The following SGCG variants were observed in gnomAD, a reference collection of about 807,000 sequenced individuals.
The protein encoded by SGCG is gamma-sarcoglycan.
In SGCG, 26 loss-of-function variants were observed where a neutral mutation model predicts 29.3. That is an observed-to-expected ratio of 0.89 (90% CI 0.65 to 1.23). The LOEUF (loss-of-function observed/expected upper bound fraction) is 1.23, where lower values mean the gene tolerates loss of function less well. Among genes scored for constraint, SGCG ranks in the 50% most tolerant of loss-of-function variants. The pLI, the probability that SGCG is intolerant of heterozygous loss-of-function variation, is 0.00. For synonymous variants in SGCG, 145 were observed against 129.7 expected, an observed-to-expected ratio of 1.12 and a Z score of -0.80; for missense variants, 353 against 356.0, an observed-to-expected ratio of 0.99 and a Z score of 0.07.
chr13:23,188,856 C>T (rs1877119990), intron 1 of SGCG, among the ~76,000 whole-genome samples: 1 of 152,150 alleles, frequency 6.6e-6, no homozygotes, highest in Non-Finnish European at 1.5e-5. Flanking sequence ...GGCACACATG[C>T]CTGGTGCCAC....
At chr13:23,237,292 T>TA (rs918447243) in intron 3 of SGCG, among the ~76,000 whole-genome samples, 7 of 152,254 alleles carry the variant, frequency 4.6e-5, no homozygotes, top group African/African-American at 1.4e-4. Flanking sequence ...AAAAGGGTTT[T>TA]AAAAAACTAC....
At chr13:23,304,653 G>C (rs1171696405) in intron 6 of SGCG, among the ~76,000 whole-genome samples, 1 of 152,032 alleles carries the variant, frequency 6.6e-6, no homozygotes, top group Non-Finnish European at 1.5e-5. Context: ...GCCCAGGCTG[G>C]AGTGCAGTGG....
chr13:23,284,355 TG>T lies in SGCG; in HGVS notation c.505+4878del, dbSNP rs201018004. Among the ~76,000 whole-genome samples the T allele has an allele frequency of 7.1e-3, 1,085 of 152,320 alleles. 9 individuals carry two copies. The highest frequency in any genetic ancestry group is 0.025 in the African/African-American group (1,035 of 41,564). ...GTCTTCATGCTTTATTTGATTAAGT[TG>T]ATCTTCAATCTCTGATATCCTTTCT... On this transcript the variant is annotated intron_variant, in intron 5 of 7. Transcript: ENST00000218867.
intron 6 of SGCG, among the ~76,000 whole-genome samples, chr13:23,298,942 G>C (rs1459225375): frequency 6.6e-6 from 1 of 152,142 alleles, no homozygotes; most frequent in Admixed American, 6.5e-5. Flanking sequence ...TAACAAAACT[G>C]CAAGGAAATG....
At chr13:23,184,499 C>T (rs1241693226) in intron 1 of SGCG, among the ~76,000 whole-genome samples, 1 of 151,830 alleles carries the variant, frequency 6.6e-6, no homozygotes, top group Non-Finnish European at 1.5e-5. Flanking sequence ...TAAACACAAA[C>T]TTCATGTGTA....
At chr13:23,168,530 A>G in the SGCG span, among the ~76,000 whole-genome samples, 1 of 152,214 alleles carries the variant, frequency 6.6e-6, no homozygotes. Context: ...TTTGCCATAC[A>G]GCTAATTCAG....
At chr13:23,277,436 A>T (rs1390351516) in intron 4 of SGCG, among the ~76,000 whole-genome samples, 1 of 152,130 alleles carries the variant, frequency 6.6e-6, no homozygotes, top group Non-Finnish European at 1.5e-5. Context: ...GAGATGTAAC[A>T]TAGAGAAAAA....
At chr13:23,317,673 G>T (rs1046811846) in intron 6 of SGCG, among the ~76,000 whole-genome samples, 3 of 152,104 alleles carry the variant, frequency 2.0e-5, no homozygotes, top group East Asian at 3.8e-4. Context: ...TTATGTAATA[G>T]TATTTGGGTT....
chr13:23,215,197 A>T (rs1449548084), intron 2 of SGCG, among the ~76,000 whole-genome samples: 2 of 152,204 alleles, frequency 1.3e-5, no homozygotes, highest in Admixed American at 6.5e-5. Context: ...ACTGCAGCTC[A>T]CTTTCCTGTC....
intron 5 of SGCG, among the ~76,000 whole-genome samples, chr13:23,293,069 A>AAT (rs1270831449): frequency 6.6e-5 from 10 of 152,216 alleles, no homozygotes; most frequent in Admixed American, 6.5e-4. Context: ...TTGTACTCTA[A>AAT]AATTTGACTG....
intron 6 of SGCG, among the ~76,000 whole-genome samples, chr13:23,310,743 C>G (rs1331307493): frequency 7.2e-5 from 11 of 151,990 alleles, no homozygotes; most frequent in African/African-American, 2.7e-4. Flanking sequence ...ATATTTCCCC[C>G]AATAGTTCTA....
chr13:23,238,763 C>T (rs956459352), intron 3 of SGCG, among the ~76,000 whole-genome samples: 4 of 152,108 alleles, frequency 2.6e-5, no homozygotes, highest in African/African-American at 9.7e-5. Context: ...ACAGAAAAAA[C>T]ACAAAAGAAT....
chr13:23,319,841 C>G (rs1212866820), intron 6 of SGCG, among the ~76,000 whole-genome samples: 1 of 152,184 alleles, frequency 6.6e-6, no homozygotes, highest in Non-Finnish European at 1.5e-5. Context: ...GGAAATACAG[C>G]CTTTTCCAGG....
chr13:23,312,540 A>G lies in SGCG; in HGVS notation c.579-8097A>G, dbSNP rs186160330. Among the ~76,000 whole-genome samples the G allele has an allele frequency of 1.6e-3, 251 of 152,332 alleles. 1 individual carries two copies. The highest frequency in any genetic ancestry group is 6.1e-3 in the Admixed American group (94 of 15,308). ...AGGCAAGTACCACATGTTCTCACTT[A>G]TAGATGGAAACTAAGTGATGTGTAC... is the stretch of plus-strand genomic sequence containing the variant. On this transcript the variant is annotated intron_variant, in intron 6 of 7. Transcript: ENST00000218867.
chr13:23,247,212 C>T (rs2137563037), intron 3 of SGCG: 1 of 153,130 alleles, frequency 6.5e-6, no homozygotes, highest in Non-Finnish European at 1.5e-5. Flanking sequence ...AGGAGTCTTC[C>T]TAAGAAAGGA....
intron 4 of SGCG, among the ~76,000 whole-genome samples, chr13:23,261,505 G>A (rs911027550): frequency 1.1e-4 from 17 of 151,964 alleles, no homozygotes; most frequent in Admixed American, 7.9e-4. Flanking sequence ...ACAAAATATG[G>A]AATTATGTAA....
intron 2 of SGCG, among the ~76,000 whole-genome samples, chr13:23,214,138 A>G (rs538280441): frequency 4.6e-5 from 7 of 152,312 alleles, no homozygotes; most frequent in African/African-American, 1.4e-4. Context: ...GAAACTTACC[A>G]GGTCACCACA....
At chr13:23,221,531 C>T (rs531518718) in intron 2 of SGCG, among the ~76,000 whole-genome samples, 11 of 152,214 alleles carry the variant, frequency 7.2e-5, no homozygotes, top group Non-Finnish European at 1.2e-4. Context: ...TCATTGAACA[C>T]AGTTTTCTTA....
At chr13:23,189,304 G>A (rs1400337733) in intron 1 of SGCG, among the ~76,000 whole-genome samples, 3 of 152,180 alleles carry the variant, frequency 2.0e-5, no homozygotes, top group African/African-American at 4.8e-5. Flanking sequence ...AGCCTCCTGA[G>A]TAGCTGGGAC....
Sources: gnomAD v4.1 joint callset for allele counts (sites outside exome capture counted in the v4.1 genomes callset) on GRCh38, gnomAD v4.1.1 for gene constraint, MANE v1.5 for transcripts, NCBI Gene and HGNC (gene_info 2026-07-23, HGNC 2026-07-21) for gene names.